Variants in REXO5 observed in about 807,000 individuals in gnomAD.
REXO5 encodes exonuclease NEF-sp.
In REXO5, 48 loss-of-function variants were observed where a neutral mutation model predicts 88.5. That is an observed-to-expected ratio of 0.54 (90% CI 0.43 to 0.69). The LOEUF is 0.69. REXO5 is among the 30% of genes least tolerant of loss of function. REXO5 has a pLI of 0.00. For missense variants in REXO5, 749 were observed against 912.2 expected (o/e 0.82, Z 2.30); for synonymous variants, 311 against 336.5 (o/e 0.92, Z 0.83).
chr16:20,827,626 C>G (rs1436925318), intron 10 of REXO5, among the ~76,000 whole-genome samples, 179 bp downstream of exon 10: 1 of 152,092 alleles, frequency 6.6e-6, no homozygotes, highest in Non-Finnish European at 1.5e-5. Context: ...GGTTTACATT[C>G]ACAGTCGAGG....
intron 10 of REXO5, 103 bp from the exon 11 acceptor site, chr16:20,828,332 T>G: frequency 2.8e-6 from 2 of 716,538 alleles, no homozygotes. Flanking sequence ...AATCTAATTA[T>G]CAGAATTCTA....
intron 2 of REXO5, among the ~76,000 whole-genome samples, chr16:20,812,089 T>C (rs1819509148): frequency 1.3e-5 from 2 of 152,370 alleles, no homozygotes; most frequent in South Asian, 4.1e-4. Context: ...GGTGATTACC[T>C]CTAAGTTGTA....
intron 3 of REXO5, 50 bp downstream of exon 3, chr16:20,813,352 T>TG: frequency 2.2e-6 from 2 of 929,400 alleles, no homozygotes; most frequent in East Asian, 2.6e-5. Context: ...TTCTTTTTTT[T>TG]TTTTTTTTTT....
At chr16:20,829,162 A>G (rs539675604) in intron 11 of REXO5, among the ~76,000 whole-genome samples, 5 of 152,116 alleles carry the variant, frequency 3.3e-5, no homozygotes, top group Admixed American at 6.6e-5. Flanking sequence ...GAACAACATC[A>G]GTTTTTGGAT....
intron 18 of REXO5, 126 bp downstream of exon 18, chr16:20,845,367 G>C: frequency 1.4e-6 from 1 of 721,862 alleles, no homozygotes; most frequent in East Asian, 3.1e-5. Context: ...GCTTCCTCCA[G>C]TCCTGGCCAC....
Position 20,806,624 on chromosome 16 carries a change from G to A in REXO5, c.-84G>A. ...CTAGGGGGCGTGGGGAGTGGTTTTA[G>A]GCGGCGAAGCCGCTCGGCAGCACCT... On this transcript the variant is annotated 5_prime_UTR_variant, in exon 1 of 20. Coordinates refer to ENST00000261377, the MANE Select transcript of REXO5 (RefSeq NM_030941.3). 1 of 1,351,214 alleles carries A rather than the reference G, an allele frequency of 7.4e-7. No individual in the cohort carries two copies. Among genetic ancestry groups the A allele is most frequent in the Non-Finnish European group, 9.8e-7 (1 of 1,024,118 alleles). 83.7% of individuals were successfully genotyped at this position (1,351,214 alleles called of 1,614,324 possible).
chr16:20,842,023 C>G (rs575292699), intron 15 of REXO5, among the ~76,000 whole-genome samples: 1 of 152,212 alleles, frequency 6.6e-6, no homozygotes, highest in Admixed American at 6.5e-5. Flanking sequence ...CTCTTGGCCC[C>G]TTTTTTTGGT....
intron 10 of REXO5, 48 bp from the exon 11 acceptor site, chr16:20,828,387 T>C (rs771437674): frequency 1.6e-5 from 18 of 1,111,258 alleles, no homozygotes; most frequent in Non-Finnish European, 2.5e-5. Flanking sequence ...TGAAAAAGCC[T>C]ATCATTAAAA....
At chr16:20,818,666 C>T (rs867157994) in intron 5 of REXO5, among the ~76,000 whole-genome samples, 3 of 152,284 alleles carry the variant, frequency 2.0e-5, no homozygotes, top group Middle Eastern at 3.4e-3. Flanking sequence ...GACAGAGTTT[C>T]ACCATGTTTG....
rs752025073 is a variant in REXO5 at position 20,833,040 on chromosome 16, C to G, written c.1300C>G (p.Leu434Val). Residue 434 changes from leucine (L) to valine (V), a missense_variant, in exon 13 of 20, where the codon CTT becomes GTT. Physicochemically the swap from Leu to Val is conservative, Grantham distance 32 (BLOSUM62 1). Transcript: ENST00000261377. ...ECLDSVGQKL[L>V]FLTRETDAGE... is the part of the protein sequence containing the mutation. ...CTTGGATTCAGTGGGTCAGAAGCTT[C>G]TTTTTTTGACCCGGGAGACAGATGC... 1.2e-6 allele frequency: 2 copies of G among 1,613,608 alleles called. No homozygotes were observed. Among genetic ancestry groups the G allele is most frequent in the South Asian group, 2.2e-5 (2 of 91,060 alleles).
chr16:20,847,436 C>CA (rs550642998), intron 19 of REXO5, among the ~76,000 whole-genome samples: 17,692 of 80,160 alleles, frequency 0.22, 1,471 homozygotes, highest in Middle Eastern at 0.34. Context: ...ACTCTTATCT[C>CA]AAAAAAAAAA....
intron 5 of REXO5, among the ~76,000 whole-genome samples, chr16:20,820,169 C>T (rs1356905425): frequency 1.3e-5 from 2 of 152,072 alleles, no homozygotes; most frequent in South Asian, 2.1e-4. Context: ...GAATGGTGGA[C>T]GAAAGTTAAT....
intron 6 of REXO5, 29 bp downstream of exon 6, chr16:20,821,931 A>C: frequency 3.3e-6 from 5 of 1,522,100 alleles, no homozygotes; most frequent in Non-Finnish European, 4.4e-6. Flanking sequence ...TGATATTGCT[A>C]ACAATGTAAG....
At chr16:20,836,592 G>C (rs1465002718) in intron 13 of REXO5, among the ~76,000 whole-genome samples, 1 of 152,182 alleles carries the variant, frequency 6.6e-6, no homozygotes, top group African/African-American at 2.4e-5. Flanking sequence ...ATAAATGTCT[G>C]TGTGCAGGTT....
At chr16:20,845,627 T>C (rs2081596158) in intron 18 of REXO5, among the ~76,000 whole-genome samples, 1 of 152,130 alleles carries the variant, frequency 6.6e-6, no homozygotes, top group Non-Finnish European at 1.5e-5. Context: ...GTCTTTTTAT[T>C]ATATCTAAGA....
intron 19 of REXO5, 115 bp downstream of exon 19, chr16:20,846,454 C>A: frequency 1.4e-6 from 1 of 696,026 alleles, no homozygotes; most frequent in East Asian, 2.7e-5. Flanking sequence ...CATGAATCAT[C>A]TCTTTAATTT....
At chr16:20,839,636 A>G (rs576830357) in intron 13 of REXO5, 119 bp from the exon 14 acceptor site, 46 of 561,454 alleles carry the variant, frequency 8.2e-5, no homozygotes, top group African/African-American at 1.3e-4. Context: ...AGTCAGCCCC[A>G]TATTACCTTT....
intron 19 of REXO5, among the ~76,000 whole-genome samples, chr16:20,846,585 C>T (rs532326351): frequency 6.6e-6 from 1 of 152,292 alleles, no homozygotes; most frequent in African/African-American, 2.4e-5. Flanking sequence ...AGTCTTATGT[C>T]CTTACTGCTC....
At chr16:20,808,025 C>A (rs2080931054) in intron 2 of REXO5, among the ~76,000 whole-genome samples, 1 of 152,166 alleles carries the variant, frequency 6.6e-6, no homozygotes, top group East Asian at 1.9e-4. Context: ...GCATTAGATT[C>A]TCATAGGAAT....
Sources: gnomAD v4.1 joint callset for allele counts (sites outside exome capture counted in the v4.1 genomes callset) on GRCh38, gnomAD v4.1.1 for gene constraint, MANE v1.5 for transcripts, NCBI Gene and HGNC (gene_info 2026-07-23, HGNC 2026-07-21) for gene names.